ASH1L: variants seen among roughly 807,000 people sequenced by gnomAD.
The protein encoded by ASH1L is ASH1 like histone lysine methyltransferase.
A neutral mutation model predicts 269.0 loss-of-function variants in ASH1L; 23 were observed. That is an observed-to-expected ratio of 0.09 (90% confidence interval 0.06 to 0.12). ASH1L has a LOEUF of 0.12. ASH1L is among the 10% of genes least tolerant of loss of function. The probability of loss-of-function intolerance (pLI) is 1.00; values close to 1 mark genes in which losing one functional copy is unlikely to be tolerated. For missense variants in ASH1L, 2,912 were observed against 3,567.8 expected (o/e 0.82, Z 4.68); for synonymous variants, 1,187 against 1,253.5 (o/e 0.95, Z 1.12).
At chr1:155,410,084 G>C (rs909936605) in intron 6 of ASH1L, among the ~76,000 whole-genome samples, 10 of 151,118 alleles carry the variant, frequency 6.6e-5, no homozygotes, top group Admixed American at 2.0e-4. Context: ...AGAATTGCTT[G>C]AACTCCATCT....
chr1:155,532,965 G>GAA (rs142766650), intron 1 of ASH1L, among the ~76,000 whole-genome samples: 1 of 142,042 alleles, frequency 7.0e-6, no homozygotes, highest in Admixed American at 7.2e-5. Context: ...ATATATGGGG[G>GAA]GAGAGAGAGA....
chr1:155,459,987 T>C (rs1664168809), intron 3 of ASH1L, 89 bp from the exon 4 acceptor site: 1 of 980,128 alleles, frequency 1.0e-6, no homozygotes, highest in Admixed American at 2.9e-5. Context: ...TGTTACAGTT[T>C]AGTTGCTGCC....
chr1:155,467,143 C>T (rs777530832), intron 3 of ASH1L, among the ~76,000 whole-genome samples: 1 of 152,086 alleles, frequency 6.6e-6, no homozygotes, highest in Non-Finnish European at 1.5e-5. Context: ...TACTGCTCTG[C>T]CAATTTTAGA....
At chr1:155,371,020 T>G in intron 10 of ASH1L, 37 bp from the exon 11 acceptor site, 1 of 1,594,002 alleles carries the variant, frequency 6.3e-7, no homozygotes, top group Non-Finnish European at 8.6e-7. Flanking sequence ...TCAACTTACA[T>G]GATACATACC....
Position 155,481,600 on chromosome 1 carries a change from G to A in ASH1L, c.1270C>T (p.Leu424Phe). ...AGLISKDAIN[L>F]KAEALLPTQE... ...GTGGGGAGCAGTGCTTCGGCTTTAA[G>A]GTTTATGGCATCTTTACTGATCAGA... The change falls in exon 3 of 28, where the codon CTT (leucine) becomes TTT (phenylalanine). Residue 424 changes from leucine (L) to phenylalanine (F), a missense_variant. This residue lies in a region of ASH1L where 715 missense variants were observed against 721.0 expected (regional missense o/e 0.99). Coordinates refer to ENST00000392403, the MANE Select transcript of ASH1L (RefSeq NM_018489.3). The A allele has an allele frequency of 1.2e-6, 2 of 1,614,102 alleles. No individual in the cohort carries two copies. Among genetic ancestry groups the A allele is most frequent in the Non-Finnish European group, 1.7e-6 (2 of 1,179,990 alleles).
chr1:155,561,244 T>A (rs1671943645), intron 1 of ASH1L, among the ~76,000 whole-genome samples: 1 of 150,780 alleles, frequency 6.6e-6, no homozygotes, highest in South Asian at 2.1e-4. Context: ...CGACAACAAA[T>A]AAGGCCACCC....
chr1:155,516,486 C>T (rs910947192), intron 2 of ASH1L, among the ~76,000 whole-genome samples: 1 of 152,116 alleles, frequency 6.6e-6, no homozygotes, highest in Non-Finnish European at 1.5e-5. Flanking sequence ...TTGCAGGATA[C>T]AAAACCTACA....
chr1:155,509,092 T>TA (rs1667996228), intron 2 of ASH1L, among the ~76,000 whole-genome samples: 1 of 152,224 alleles, frequency 6.6e-6, no homozygotes, highest in Non-Finnish European at 1.5e-5. Flanking sequence ...GAAATTACAT[T>TA]GTTTATAAAT....
intron 2 of ASH1L, among the ~76,000 whole-genome samples, chr1:155,497,287 A>G (rs2148783328): frequency 6.6e-6 from 1 of 152,324 alleles, no homozygotes; most frequent in South Asian, 2.1e-4. Context: ...ACAGTTCATC[A>G]ATGGATGAAT....
intron 3 of ASH1L, among the ~76,000 whole-genome samples, chr1:155,464,376 A>C (rs185734458): frequency 1.3e-5 from 2 of 152,348 alleles, no homozygotes; most frequent in Non-Finnish European, 2.9e-5. Context: ...GTGAATAAAG[A>C]CTACAAATAG....
rs550620960 is a variant in ASH1L, at chr1:155,562,443, G to C, written c.-390C>G. On this transcript the variant is annotated 5_prime_UTR_variant, in exon 1 of 28. Coordinates refer to ENST00000392403, the MANE Select transcript of ASH1L (RefSeq NM_018489.3). ...CGGCGGGAGCGGCGGCGGCGGCGGC[G>C]GCAGCAGCAGAGTGGCGGCGGTGGC... 4.1e-6 allele frequency: 6 copies of C among 1,450,586 alleles called. No homozygotes were observed. The Admixed American group carries it at 1.2e-4, about 29-fold the overall frequency. 89.9% of individuals were successfully genotyped at this position (1,450,586 alleles called of 1,614,324 possible).
chr1:155,344,405 T>C (rs901649982), intron 21 of ASH1L, 132 bp from the exon 22 acceptor site: 2 of 650,798 alleles, frequency 3.1e-6, no homozygotes, highest in South Asian at 2.1e-5. Flanking sequence ...ACAAAAAAGA[T>C]GAAAGCAACT....
intron 12 of ASH1L, chr1:155,370,275 A>G: frequency 1.8e-6 from 1 of 557,264 alleles, no homozygotes. Flanking sequence ...CAAAAAAACC[A>G]AAAAAGCAAA....
intron 3 of ASH1L, among the ~76,000 whole-genome samples, chr1:155,460,860 A>G (rs1664249565): frequency 6.6e-6 from 1 of 152,176 alleles, no homozygotes. Context: ...CAAAACCGCA[A>G]ATCTATAGAG....
rs1460658066 is a variant in ASH1L, at chr1:155,562,713, T to C, written c.-660A>G. ...TACGCGCTCACCCACAGGAACCCCC[T>C]CGTCCAGTCCCTCACTACCCCTCAG... On this transcript the variant is annotated 5_prime_UTR_variant, in exon 1 of 28. Transcript: ENST00000392403. 2.8e-6 allele frequency: 4 copies of C among 1,451,288 alleles called. No homozygotes were observed. The East Asian group carries it at 1.0e-4, about 37-fold the overall frequency. 89.9% of individuals were successfully genotyped at this position (1,451,288 alleles called of 1,614,324 possible).
At chr1:155,340,189 T>G (rs1226135618) in intron 25 of ASH1L, among the ~76,000 whole-genome samples, 1 of 151,154 alleles carries the variant, frequency 6.6e-6, no homozygotes, top group Non-Finnish European at 1.5e-5. Context: ...AGCTTATTTT[T>G]CTTTCTTTTT....
intron 3 of ASH1L, among the ~76,000 whole-genome samples, chr1:155,472,297 T>G (rs1182158080): frequency 1.3e-5 from 2 of 152,020 alleles, no homozygotes; most frequent in African/African-American, 4.8e-5. Context: ...CTCAAATAAA[T>G]AAAGAAGGAA....
chr1:155,463,585 G>C (rs1664459773), intron 3 of ASH1L, among the ~76,000 whole-genome samples: 1 of 152,004 alleles, frequency 6.6e-6, no homozygotes, highest in Non-Finnish European at 1.5e-5. Flanking sequence ...TTGAGTTCAG[G>C]CGTTCAAGAC....
intron 3 of ASH1L, among the ~76,000 whole-genome samples, chr1:155,471,083 T>TA (rs1665060771): frequency 6.6e-6 from 1 of 152,204 alleles, no homozygotes; most frequent in Admixed American, 6.5e-5. Flanking sequence ...TTCTCACATC[T>TA]ACCTGAAAAA....
Sources: allele counts gnomAD v4.1 joint callset (sites outside exome capture counted in the v4.1 genomes callset), GRCh38; gene constraint gnomAD v4.1.1; regional missense constraint gnomAD v4.1.1; transcripts MANE v1.5; gene names NCBI Gene and HGNC (gene_info 2026-07-23, HGNC 2026-07-21).